NSG2: variants seen among roughly 807,000 people sequenced by gnomAD.
NSG2 encodes neuronal vesicle trafficking associated 2.
A neutral mutation model predicts 16.9 loss-of-function variants in NSG2; 4 were observed. The ratio of observed to expected loss-of-function variants is 0.24; its 90% CI spans 0.12 to 0.54. The LOEUF is 0.54. Ranked by LOEUF, NSG2 falls within the 20% of genes least tolerant of loss-of-function variation. The pLI, the probability that NSG2 is intolerant of heterozygous loss-of-function variation, is 0.95. For missense variants in NSG2, 179 were observed against 221.1 expected (o/e 0.81, Z 1.21); for synonymous variants, 98 against 88.7 (o/e 1.11, Z -0.59).
intron 3 of NSG2, among the ~76,000 whole-genome samples, chr5:174,090,166 T>G (rs1359111872): frequency 6.6e-6 from 1 of 152,094 alleles, no homozygotes; most frequent in African/African-American, 2.4e-5. Flanking sequence ...CTCACAGCAC[T>G]CAGCATATGG....
At chr5:174,046,651 A>G in intron 1 of NSG2, 83 bp from the exon 2 acceptor site, 1 of 1,262,938 alleles carries the variant, frequency 7.9e-7, no homozygotes, top group Non-Finnish European at 1.1e-6. Flanking sequence ...GGAGCTGTTG[A>G]GGACAGTGCT....
intron 3 of NSG2, among the ~76,000 whole-genome samples, chr5:174,096,697 G>A (rs1037351515): frequency 6.6e-6 from 1 of 152,024 alleles, no homozygotes; most frequent in East Asian, 1.9e-4. Context: ...TGGTGGTCTG[G>A]CCAGGGGGCT....
chr5:174,049,122 A>G (rs539800004), intron 2 of NSG2, among the ~76,000 whole-genome samples: 9 of 152,122 alleles, frequency 5.9e-5, no homozygotes, highest in East Asian at 1.9e-4. Flanking sequence ...GGCGGATCAC[A>G]AGGTCAGGAG....
intron 3 of NSG2, chr5:174,084,030 C>T (rs1400624331): frequency 6.6e-6 from 1 of 152,180 alleles, no homozygotes; most frequent in African/African-American, 2.4e-5. Context: ...TATCATTGGT[C>T]AGGTTTCTGG....
In NSG2 at chr5:174,077,447, C is replaced by T. The variant is rs969386501; in HGVS notation, c.213+13132C>T. ...TGGTCTCTCGAGCCTGTCTCTTGCT[C>T]ATCTCTTCAGTCTCCTCCGAACAAG... On this transcript the variant is annotated intron_variant, in intron 3 of 4. Coordinates refer to ENST00000303177, the MANE Select transcript of NSG2 (RefSeq NM_015980.5). Among the ~76,000 whole-genome samples the T allele has an allele frequency of 6.6e-5, 10 of 152,286 alleles. 1 individual carries two copies. The South Asian group carries it at 1.7e-3, about 25-fold the overall frequency.
intron 2 of NSG2, among the ~76,000 whole-genome samples, chr5:174,050,153 G>A (rs1443522741): frequency 1.3e-5 from 2 of 152,166 alleles, no homozygotes; most frequent in African/African-American, 2.4e-5. Context: ...CAGCCCTTTG[G>A]TTAGGCTCCA....
At chr5:174,053,821 G>T (rs566479882) in intron 2 of NSG2, among the ~76,000 whole-genome samples, 41 of 152,276 alleles carry the variant, frequency 2.7e-4, no homozygotes, top group African/African-American at 9.9e-4. Context: ...CAATACTGGG[G>T]CAAACTTGTC....
chr5:174,088,713 T>G (rs1760673063), intron 3 of NSG2, among the ~76,000 whole-genome samples: 1 of 152,162 alleles, frequency 6.6e-6, no homozygotes, highest in Non-Finnish European at 1.5e-5. Context: ...TTCCACACAA[T>G]GATTTCATTT....
rs890971746 is a variant in NSG2 at position 174,072,664 on chromosome 5, G to A, written c.213+8349G>A. On this transcript the variant is annotated intron_variant, in intron 3 of 4. Coordinates refer to ENST00000303177, the MANE Select transcript of NSG2 (RefSeq NM_015980.5). This position sits in a 1 kb window ranked among gnomAD's most constrained non-coding sequence, Gnocchi z 4.0. ...CTAAGAAGCTAGCCAGCACCTGGCC[G>A]GATGAAGCAGTAAAAAATGCCCTTA... 1.1e-4 allele frequency among the ~76,000 whole-genome samples: 17 copies of A among 152,172 alleles called. No individual in the cohort carries two copies. The highest frequency in any genetic ancestry group is 4.6e-4 in the Admixed American group (7 of 15,280).
intron 3 of NSG2, among the ~76,000 whole-genome samples, chr5:174,068,971 G>A (rs1224353534): frequency 1.3e-5 from 2 of 151,484 alleles, no homozygotes; most frequent in African/African-American, 4.9e-5. Flanking sequence ...TAGTACTATG[G>A]AGGGTGCTGG....
chr5:174,091,683 G>A (rs907068220), intron 3 of NSG2, among the ~76,000 whole-genome samples: 29 of 147,862 alleles, frequency 2.0e-4, no homozygotes, highest in Non-Finnish European at 3.9e-4. Flanking sequence ...GTGTGTGTGT[G>A]TGTCTGGGGC....
rs546841898 is a variant in NSG2 at position 174,087,333 on chromosome 5, T to C, written c.214-16895T>C. 3.9e-5 allele frequency among the ~76,000 whole-genome samples: 6 copies of C among 152,336 alleles called. No individual in the cohort carries two copies. The East Asian group carries it at 1.2e-3, about 29-fold the overall frequency. Reference sequence around the variant, plus strand: ...GAGTAGAAGGTGCACATGGCCTTTATGGTCACACCTGAATTCAAATCCTGG... The same window carrying C: ...GAGTAGAAGGTGCACATGGCCTTTACGGTCACACCTGAATTCAAATCCTGG... On this transcript the variant is annotated intron_variant, in intron 3 of 4. Transcript: ENST00000303177.
chr5:174,103,265 T>C (rs1382846101), intron 3 of NSG2, among the ~76,000 whole-genome samples: 1 of 151,872 alleles, frequency 6.6e-6, no homozygotes, highest in Non-Finnish European at 1.5e-5. Flanking sequence ...AGATTATGGG[T>C]GTATTTGAAG....
At chr5:174,059,620 A>G (rs1760018619) in intron 2 of NSG2, among the ~76,000 whole-genome samples, 1 of 152,188 alleles carries the variant, frequency 6.6e-6, no homozygotes, top group African/African-American at 2.4e-5. Flanking sequence ...ATTAAGGCTC[A>G]AAGAGTAGGT....
At chr5:174,062,759 T>C (rs1004570196) in intron 2 of NSG2, 61 of 152,352 alleles carry the variant, frequency 4.0e-4, no homozygotes, top group African/African-American at 1.4e-3. Flanking sequence ...CCGTGTATGG[T>C]AGCGCCGTCC....
rs559558575 is a variant in NSG2, at chr5:174,076,986, A to C, written c.213+12671A>C. 2.6e-5 allele frequency among the ~76,000 whole-genome samples: 4 copies of C among 152,306 alleles called. No individual in the cohort carries two copies. In the East Asian group the frequency reaches 5.8e-4, roughly 22 times the overall value. ...ATAAGTCAGATTTGTTCAGTATTTC[A>C]GTGTCTTATCCTAGCAATCTCCCAG... On this transcript the variant is annotated intron_variant, in intron 3 of 4. Coordinates refer to ENST00000303177, the MANE Select transcript of NSG2 (RefSeq NM_015980.5).
Position 174,107,761 on chromosome 5 carries a change from G to A in NSG2, c.*256G>A, listed in dbSNP as rs1413412109. ...TACAAAGGCATGTTTCGTGTTGATT[G>A]TTCCCATGTAAGATATTTTTAAAGC... On this transcript the variant is annotated 3_prime_UTR_variant, in exon 5 of 5. Coordinates refer to ENST00000303177, the MANE Select transcript of NSG2 (RefSeq NM_015980.5). The surrounding 1 kb of genome is among the most constrained non-coding windows in gnomAD (Gnocchi z 4.5). 1.5e-6 allele frequency: 1 copy of A among 664,134 alleles called. No individual in the cohort carries two copies. The highest frequency in any genetic ancestry group is 1.8e-5 in the African/African-American group (1 of 56,568). The allele number at this position is 664,134 out of a possible 1,614,324, so 41.1% of individuals were successfully genotyped here.
intron 3 of NSG2, among the ~76,000 whole-genome samples, chr5:174,093,946 G>A (rs1425506106): frequency 6.6e-6 from 1 of 152,160 alleles, no homozygotes; most frequent in East Asian, 1.9e-4. Context: ...TTTCTCCACT[G>A]TCTTCCTAAT....
At chr5:174,089,265 G>A (rs114882254) in intron 3 of NSG2, among the ~76,000 whole-genome samples, 1 of 152,322 alleles carries the variant, frequency 6.6e-6, no homozygotes, top group Non-Finnish European at 1.5e-5. Context: ...GAGGCTCAGG[G>A]TGGGGTCCTC....
Sources: allele counts gnomAD v4.1 joint callset (sites outside exome capture counted in the v4.1 genomes callset), GRCh38; gene constraint gnomAD v4.1.1; non-coding constraint Gnocchi (gnomAD v3.1); transcripts MANE v1.5; gene names NCBI Gene and HGNC (gene_info 2026-07-23, HGNC 2026-07-21).